The following PLXNA2 variants were observed in gnomAD, a reference collection of about 807,000 sequenced individuals.
The protein encoded by PLXNA2 is plexin-A2.
A neutral mutation model predicts 193.5 loss-of-function variants in PLXNA2; 91 were observed. The ratio of observed to expected loss-of-function variants is 0.47; its 90% confidence interval spans 0.40 to 0.56. PLXNA2 has a LOEUF of 0.56. Among genes scored for constraint, PLXNA2 ranks in the 20% least tolerant of loss-of-function variants. PLXNA2 has a pLI of 0.00. For missense variants in PLXNA2, 1,995 were observed against 2,503.2 expected (o/e 0.80, Z 4.33); for synonymous variants, 997 against 1,027.3 (o/e 0.97, Z 0.56).
chr1:208,228,451 C>G (rs1382059591), intron 1 of PLXNA2, among the ~76,000 whole-genome samples: 1 of 152,206 alleles, frequency 6.6e-6, no homozygotes, highest in Non-Finnish European at 1.5e-5. Flanking sequence ...AGGCCTTCCT[C>G]TGAGATGGAC....
chr1:208,079,578 A>G (rs978023847), intron 11 of PLXNA2, 128 bp from the exon 12 acceptor site: 18 of 677,394 alleles, frequency 2.7e-5, no homozygotes, highest in South Asian at 2.0e-4. Flanking sequence ...AATCATCATT[A>G]TCATTGCAAG....
chr1:208,062,041 A>G (rs1665635475), intron 12 of PLXNA2, among the ~76,000 whole-genome samples: 1 of 152,114 alleles, frequency 6.6e-6, no homozygotes, highest in Non-Finnish European at 1.5e-5. Flanking sequence ...TTACTACACC[A>G]TAGGGAGGGC....
At chr1:208,057,342 T>C (rs1665463263) in intron 13 of PLXNA2, among the ~76,000 whole-genome samples, 1 of 152,210 alleles carries the variant, frequency 6.6e-6, no homozygotes, top group Admixed American at 6.5e-5. Flanking sequence ...CCAGAGCTCA[T>C]GCTTCTGACC....
chr1:208,172,199 A>G (rs1345372150), intron 3 of PLXNA2, among the ~76,000 whole-genome samples: 1 of 151,674 alleles, frequency 6.6e-6, no homozygotes, highest in Non-Finnish European at 1.5e-5. Context: ...AGATGCACAT[A>G]TTGTTTGCAG....
intron 3 of PLXNA2, among the ~76,000 whole-genome samples, chr1:208,160,813 A>C (rs1669085990): frequency 6.6e-6 from 1 of 152,240 alleles, no homozygotes; most frequent in African/African-American, 2.4e-5. Context: ...ATTCTCAGAG[A>C]GGGCCCACTG....
intron 4 of PLXNA2, among the ~76,000 whole-genome samples, chr1:208,119,447 C>T (rs902072017): frequency 6.6e-6 from 1 of 152,282 alleles, no homozygotes; most frequent in African/African-American, 2.4e-5. Context: ...CCTGCAAAGC[C>T]CTTGAACACA....
intron 12 of PLXNA2, among the ~76,000 whole-genome samples, chr1:208,073,372 G>A (rs1297344237): frequency 6.6e-6 from 1 of 152,208 alleles, no homozygotes; most frequent in Non-Finnish European, 1.5e-5. Flanking sequence ...CTGCAGGGCA[G>A]TCAGTTTCCA....
rs1309401146 is a variant in PLXNA2, at chr1:208,126,275, G to T, written c.1506+16054C>A. On this transcript the variant is annotated intron_variant, in intron 4 of 31. Coordinates refer to ENST00000367033, the MANE Select transcript of PLXNA2 (RefSeq NM_025179.4). Reference sequence around the variant, plus strand: ...TGGGAAGCAACCTTGACCCCATGGGGTGGTTTGGTTCTTTCTGGCTCCCCC... The same window carrying T: ...TGGGAAGCAACCTTGACCCCATGGGTTGGTTTGGTTCTTTCTGGCTCCCCC... Among the ~76,000 whole-genome samples the T allele has an allele frequency of 2.0e-5, 3 of 152,194 alleles. 1 individual carries two copies. In the South Asian group the frequency reaches 6.2e-4, roughly 32 times the overall value.
chr1:208,180,627 G>A (rs1669812307), intron 3 of PLXNA2, among the ~76,000 whole-genome samples: 1 of 152,176 alleles, frequency 6.6e-6, no homozygotes, highest in African/African-American at 2.4e-5. Flanking sequence ...TCCTAGAAAG[G>A]CACTATTATT....
At position 208,082,373 on chromosome 1, in the gene PLXNA2, G is replaced by A. The variant is rs780905301; in HGVS notation, c.2395+39C>T. 8 of 1,534,582 alleles carry A rather than the reference G, an allele frequency of 5.2e-6. No individual in the cohort carries two copies. Among genetic ancestry groups the A allele is most frequent in the Admixed American group, 3.4e-5 (2 of 58,730 alleles). On this transcript the variant is annotated intron_variant, in intron 11 of 31. Transcript: ENST00000367033. The surrounding 1 kb of genome is among the most constrained non-coding windows in gnomAD (Gnocchi z 4.2). Reference sequence around the variant, plus strand: ...TCTAGCCCCAGTCTTTCCCGGGGTCGTGAAAAGATCAAACTTCTACCCGGA... The same window carrying A: ...TCTAGCCCCAGTCTTTCCCGGGGTCATGAAAAGATCAAACTTCTACCCGGA...
chr1:208,219,844 G>A (rs994271450), intron 1 of PLXNA2, among the ~76,000 whole-genome samples: 1 of 152,172 alleles, frequency 6.6e-6, no homozygotes, highest in African/African-American at 2.4e-5. Context: ...CAGCTACTCC[G>A]ACACAGCCCT....
At chr1:208,228,068 C>A (rs757231717) in intron 1 of PLXNA2, among the ~76,000 whole-genome samples, 5 of 152,086 alleles carry the variant, frequency 3.3e-5, no homozygotes, top group African/African-American at 4.8e-5. Context: ...ATGAACTGAC[C>A]CTAAAATCCC....
chr1:208,131,239 G>T (rs576288944), intron 4 of PLXNA2, among the ~76,000 whole-genome samples: 1 of 152,266 alleles, frequency 6.6e-6, no homozygotes, highest in South Asian at 2.1e-4. Context: ...TCTTCCTGAT[G>T]CATGGTGCCG....
chr1:208,037,105 A>G (rs1449074333), intron 26 of PLXNA2, among the ~76,000 whole-genome samples: 2 of 152,182 alleles, frequency 1.3e-5, no homozygotes, highest in East Asian at 3.9e-4. Flanking sequence ...TGTAAGTACA[A>G]TCCTGGGCAC....
intron 3 of PLXNA2, among the ~76,000 whole-genome samples, chr1:208,197,889 C>T (rs756866736): frequency 2.0e-5 from 3 of 152,138 alleles, no homozygotes; most frequent in Non-Finnish European, 4.4e-5. Flanking sequence ...CCAGCCTCAC[C>T]TTTGCTTGCT....
At chr1:208,121,786 A>C (rs559471250) in intron 4 of PLXNA2, among the ~76,000 whole-genome samples, 1 of 152,162 alleles carries the variant, frequency 6.6e-6, no homozygotes, top group South Asian at 2.1e-4. Flanking sequence ...GTACTCCATT[A>C]CTCCACAAAC....
intron 9 of PLXNA2, among the ~76,000 whole-genome samples, chr1:208,089,382 T>C (rs1338409741): frequency 1.3e-5 from 2 of 152,244 alleles, no homozygotes; most frequent in Non-Finnish European, 2.9e-5. Flanking sequence ...AAACATACTG[T>C]ACTCAGCTTT....
chr1:208,221,945 T>C (rs2102622022), intron 1 of PLXNA2, among the ~76,000 whole-genome samples: 1 of 152,354 alleles, frequency 6.6e-6, no homozygotes, highest in African/African-American at 2.4e-5. Flanking sequence ...ATAGGTTTAG[T>C]ACTAGTAGCT....
intron 4 of PLXNA2, among the ~76,000 whole-genome samples, chr1:208,109,511 T>C (rs959770813): frequency 9.9e-5 from 15 of 152,228 alleles, no homozygotes; most frequent in African/African-American, 3.4e-4. Context: ...GCAGAGGGTT[T>C]TGGCATTTTT....
Sources: allele counts gnomAD v4.1 joint callset (sites outside exome capture counted in the v4.1 genomes callset), GRCh38; gene constraint gnomAD v4.1.1; non-coding constraint Gnocchi (gnomAD v3.1); transcripts MANE v1.5; gene names NCBI Gene and HGNC (gene_info 2026-07-23, HGNC 2026-07-21).